EHHADH: variants seen among roughly 807,000 people sequenced by gnomAD.
The protein encoded by EHHADH is enoyl-CoA hydratase and 3-hydroxyacyl CoA dehydrogenase.
Under a neutral mutation model 64.4 loss-of-function variants are expected in EHHADH, and 48 were observed. That is an observed-to-expected ratio of 0.75 (90% CI 0.59 to 0.95). EHHADH has a LOEUF of 0.95. EHHADH is among the 40% of genes least tolerant of loss of function. The probability of loss-of-function intolerance (pLI) is 0.00; values close to 1 mark genes in which losing one functional copy is unlikely to be tolerated. For missense variants in EHHADH, 854 were observed against 876.6 expected (o/e 0.97, Z 0.33); for synonymous variants, 308 against 326.7 (o/e 0.94, Z 0.62).
At chr3:185,233,216 G>T (rs1483865155) in intron 3 of EHHADH, among the ~76,000 whole-genome samples, 3 of 152,148 alleles carry the variant, frequency 2.0e-5, no homozygotes, top group Non-Finnish European at 4.4e-5. Context: ...AGCATAAAGG[G>T]GCAAGTAATG....
chr3:185,243,320 C>T (rs893457689), intron 2 of EHHADH, among the ~76,000 whole-genome samples: 4 of 152,174 alleles, frequency 2.6e-5, no homozygotes, highest in South Asian at 2.1e-4. Flanking sequence ...AAATTCACGA[C>T]ATGAGCCTCT....
intron 6 of EHHADH, among the ~76,000 whole-genome samples, chr3:185,203,411 GCTTTTAGTAAA>G: frequency 6.6e-6 from 1 of 152,256 alleles, no homozygotes; most frequent in Admixed American, 6.5e-5. Context: ...GAAAGTTGAT[GCTTTTAGTAAA>G]CTATGGACCC....
At chr3:185,222,824 A>G (rs370003762) in intron 4 of EHHADH, among the ~76,000 whole-genome samples, 327 of 152,356 alleles carry the variant, frequency 2.1e-3, no homozygotes, top group Non-Finnish European at 2.9e-3. Flanking sequence ...TAAATATTAC[A>G]TAGCATCCTA....
intron 4 of EHHADH, among the ~76,000 whole-genome samples, chr3:185,221,577 C>CT (rs10663266): frequency 0.065 from 8,464 of 130,548 alleles, 495 homozygotes; most frequent in Admixed American, 0.089. Flanking sequence ...ATTTTTTTTT[C>CT]TTTTTTTTTT....
At chr3:185,242,599 T>C (rs1299128301) in intron 2 of EHHADH, among the ~76,000 whole-genome samples, 3 of 152,138 alleles carry the variant, frequency 2.0e-5, no homozygotes, top group Non-Finnish European at 4.4e-5. Flanking sequence ...ACTGGAGTCA[T>C]GTACCTAAAA....
In EHHADH at chr3:185,192,183, A is replaced by T; in HGVS notation, c.*43T>A. On this transcript the variant is annotated 3_prime_UTR_variant, in exon 7 of 7. Transcript: ENST00000231887. ...TTAATTTCACTGAAATTCAGTCAGC[A>T]TTACCTGATGCTAGCATGTGAGGCA... 6.4e-7 allele frequency: 1 copy of T among 1,563,272 alleles called. No homozygotes were observed. The highest frequency in any genetic ancestry group is 8.7e-7 in the Non-Finnish European group (1 of 1,153,786).
Position 185,204,532 on chromosome 3 carries a change from G to C in EHHADH, c.794C>G (p.Ala265Gly). ...LFLYLLQSGQ[A>G]RALQYAFFAE... ...GAAGAAAGCATATTGCAGGGCTCTA[G>C]CCTGCCCTGATTGCAAAAGATATAG... Residue 265 changes from alanine (A) to glycine (G), a missense_variant, in exon 6 of 7, where the codon GCT becomes GGT. Transcript: ENST00000231887. The C allele has an allele frequency of 6.2e-7, 1 of 1,614,076 alleles. No homozygotes were observed. Among genetic ancestry groups the C allele is most frequent in the Non-Finnish European group, 8.5e-7 (1 of 1,179,968 alleles).
chr3:185,203,786 A>C (rs1718295173), intron 6 of EHHADH, among the ~76,000 whole-genome samples: 1 of 152,150 alleles, frequency 6.6e-6, no homozygotes, highest in African/African-American at 2.4e-5. Flanking sequence ...TGTGGTACAA[A>C]TCATCATCAT....
intron 2 of EHHADH, among the ~76,000 whole-genome samples, chr3:185,246,620 T>C (rs1055830113): frequency 1.3e-5 from 2 of 152,246 alleles, no homozygotes; most frequent in African/African-American, 4.8e-5. Context: ...CCTTTCATCA[T>C]TCTTTATATG....
intron 4 of EHHADH, among the ~76,000 whole-genome samples, chr3:185,224,270 C>A (rs1056734741): frequency 6.6e-6 from 1 of 151,868 alleles, no homozygotes; most frequent in East Asian, 1.9e-4. Context: ...GAGGCCGAGG[C>A]GGGTGGCTCA....
intron 2 of EHHADH, among the ~76,000 whole-genome samples, chr3:185,246,927 T>C (rs1250137967): frequency 5.9e-5 from 9 of 152,188 alleles, no homozygotes; most frequent in Admixed American, 5.2e-4. Context: ...TCAAGTTTTA[T>C]ATTATGTTTT....
chr3:185,229,363 G>T (rs1483776606), intron 4 of EHHADH, 69 bp downstream of exon 4: 7 of 1,059,838 alleles, frequency 6.6e-6, no homozygotes, highest in Non-Finnish European at 8.7e-6. Context: ...GGTCAAGCCA[G>T]AATTTTTCTA....
chr3:185,217,523 G>C (rs1457207860), intron 5 of EHHADH, among the ~76,000 whole-genome samples: 1 of 125,688 alleles, frequency 8.0e-6, no homozygotes, highest in Non-Finnish European at 1.6e-5. Flanking sequence ...TCCAGCCTGG[G>C]CAACAGAGCG....
chr3:185,233,734 C>CTTCCAGG (rs1577371581), intron 3 of EHHADH, among the ~76,000 whole-genome samples: 1 of 152,332 alleles, frequency 6.6e-6, no homozygotes, highest in African/African-American at 2.4e-5. Flanking sequence ...CAACCTCCAC[C>CTTCCAGG]TTCCAGGTTC....
intron 6 of EHHADH, among the ~76,000 whole-genome samples, chr3:185,193,739 A>G (rs1048280341): frequency 1.1e-4 from 17 of 152,234 alleles, no homozygotes; most frequent in Admixed American, 1.1e-3. Context: ...GATTGTAGGT[A>G]CACAATTGAT....
chr3:185,207,203 T>A (rs1401814229), intron 5 of EHHADH, among the ~76,000 whole-genome samples: 1 of 151,020 alleles, frequency 6.6e-6, no homozygotes, highest in Non-Finnish European at 1.5e-5. Context: ...AGTGGGAGAA[T>A]CGTTTGAGCC....
rs182933399 is a variant in EHHADH, at chr3:185,227,526, C to G, written c.463+1906G>C. Among the ~76,000 whole-genome samples the G allele has an allele frequency of 2.4e-3, 355 of 148,648 alleles. 2 individuals are homozygous for G. Among genetic ancestry groups the G allele is most frequent in the Non-Finnish European group, 4.1e-3 (279 of 67,504 alleles). On this transcript the variant is annotated intron_variant, in intron 4 of 6. Coordinates refer to ENST00000231887, the MANE Select transcript of EHHADH (RefSeq NM_001966.4). ...CCGTCTGGGCAACAAGAGTGAAACT[C>G]GGTCTCAAAAAAAAATAGGTCAGGC... is the stretch of plus-strand genomic sequence containing the variant.
At chr3:185,225,250 G>A (rs1461929514) in intron 4 of EHHADH, among the ~76,000 whole-genome samples, 1 of 152,074 alleles carries the variant, frequency 6.6e-6, no homozygotes, top group African/African-American at 2.4e-5. Flanking sequence ...TGAAGCTCTT[G>A]TGATACTTCC....
intron 6 of EHHADH, among the ~76,000 whole-genome samples, chr3:185,198,034 T>C (rs1406804371): frequency 1.3e-5 from 2 of 152,126 alleles, no homozygotes; most frequent in Non-Finnish European, 2.9e-5. Context: ...TGACCTCAAG[T>C]AATCCACCTG....
Sources: allele counts gnomAD v4.1 joint callset (sites outside exome capture counted in the v4.1 genomes callset), GRCh38; gene constraint gnomAD v4.1.1; transcripts MANE v1.5; gene names NCBI Gene and HGNC (gene_info 2026-07-23, HGNC 2026-07-21).